The following POU6F2 variants were observed in gnomAD, a reference collection of about 807,000 sequenced individuals.
POU6F2 encodes POU class 6 homeobox 2.
POU6F2 carries 31 observed loss-of-function variants against 71.3 expected under a neutral mutation model. The ratio of observed to expected loss-of-function variants is 0.43; its 90% CI spans 0.33 to 0.59. POU6F2 has a LOEUF of 0.59. Among genes scored for constraint, POU6F2 ranks in the 20% least tolerant of loss-of-function variants. The probability of loss-of-function intolerance (pLI) is 0.04; values close to 1 mark genes in which losing one functional copy is unlikely to be tolerated. For missense variants in POU6F2, 783 were observed against 856.8 expected (o/e 0.91, Z 1.07); for synonymous variants, 347 against 355.7 (o/e 0.98, Z 0.27).
chr7:39,087,907 T>C (rs1266859495), intron 2 of POU6F2, among the ~76,000 whole-genome samples: 1 of 152,140 alleles, frequency 6.6e-6, no homozygotes, highest in Non-Finnish European at 1.5e-5. Flanking sequence ...TTTGCATGTG[T>C]AGAGAAAAAA....
chr7:39,439,771 G>T (rs1465940998), intron 7 of POU6F2, among the ~76,000 whole-genome samples: 1 of 152,174 alleles, frequency 6.6e-6, no homozygotes, highest in Non-Finnish European at 1.5e-5. Flanking sequence ...TTACAGGTGT[G>T]AGCCACCACA....
chr7:39,082,879 T>A (rs1791156042), intron 1 of POU6F2, among the ~76,000 whole-genome samples: 1 of 151,374 alleles, frequency 6.6e-6, no homozygotes. Flanking sequence ...AAACGTAAAG[T>A]GTTTTGTAAG....
chr7:39,083,205 A>G (rs1285921896), intron 1 of POU6F2, among the ~76,000 whole-genome samples: 1 of 152,192 alleles, frequency 6.6e-6, no homozygotes, highest in Admixed American at 6.5e-5. Context: ...GTTTACCCAG[A>G]TATTCACTGG....
intron 1 of POU6F2, among the ~76,000 whole-genome samples, chr7:39,071,398 TCTC>T (rs1374269026): frequency 3.9e-5 from 6 of 152,056 alleles, no homozygotes; most frequent in African/African-American, 1.4e-4. Flanking sequence ...TGCCCACCGC[TCTC>T]CTCCTGCTGT....
intron 2 of POU6F2, among the ~76,000 whole-genome samples, chr7:39,174,446 A>G (rs1793288164): frequency 6.6e-6 from 1 of 152,190 alleles, no homozygotes; most frequent in African/African-American, 2.4e-5. Flanking sequence ...GAGAACAGCC[A>G]TCTATACCTG....
intron 2 of POU6F2, among the ~76,000 whole-genome samples, chr7:39,134,425 T>A (rs947315869): frequency 1.4e-4 from 21 of 152,266 alleles, no homozygotes; most frequent in East Asian, 9.6e-4. Context: ...TTCAGAACCA[T>A]TGCTGTAAGA....
Position 39,161,591 on chromosome 7 carries a change from C to T in POU6F2, c.278-42644C>T, listed in dbSNP as rs73365558. ...GTGATTTGCTCAAGGTAGCTGACTT[C>T]GGAACGGCCCATGTAAACTGATAAG... is the stretch of plus-strand genomic sequence containing the variant. On this transcript the variant is annotated intron_variant, in intron 2 of 9. Transcript: ENST00000518318. Among the ~76,000 whole-genome samples the T allele has an allele frequency of 8.9e-3, 1,351 of 152,208 alleles. 15 individuals are homozygous for T. The highest frequency in any genetic ancestry group is 0.029 in the African/African-American group (1,220 of 41,518).
intron 2 of POU6F2, among the ~76,000 whole-genome samples, chr7:39,164,936 C>T (rs1044147871): frequency 2.0e-5 from 3 of 152,100 alleles, no homozygotes; most frequent in Non-Finnish European, 4.4e-5. Context: ...TAGATATGGT[C>T]CCACTTTTCC....
intron 6 of POU6F2, among the ~76,000 whole-genome samples, chr7:39,419,060 T>TAC (rs1310950083): frequency 1.4e-5 from 2 of 145,674 alleles, no homozygotes; most frequent in Non-Finnish European, 1.5e-5. Flanking sequence ...TACACATATA[T>TAC]ACACATATAT....
At chr7:39,377,938 C>A (rs1786743301) in intron 5 of POU6F2, among the ~76,000 whole-genome samples, 1 of 152,162 alleles carries the variant, frequency 6.6e-6, no homozygotes, top group Non-Finnish European at 1.5e-5. Context: ...TTTTCCTTCT[C>A]CTCAAACTTT....
At chr7:39,079,809 G>A (rs1791078122) in intron 1 of POU6F2, among the ~76,000 whole-genome samples, 2 of 152,156 alleles carry the variant, frequency 1.3e-5, no homozygotes, top group Admixed American at 1.3e-4. Context: ...ATATTTGGCT[G>A]TGAAAATCTA....
chr7:39,429,601 G>T (rs926405530), intron 6 of POU6F2, among the ~76,000 whole-genome samples: 24 of 152,170 alleles, frequency 1.6e-4, no homozygotes, highest in African/African-American at 5.6e-4. Flanking sequence ...AGGCTGCTCT[G>T]CAGGAATCCT....
Position 39,191,830 on chromosome 7 carries a change from A to C in POU6F2, c.278-12405A>C, listed in dbSNP as rs369167033. On this transcript the variant is annotated intron_variant, in intron 2 of 9. Transcript: ENST00000518318. Reference sequence around the variant, plus strand: ...AATAGATACTTTTTCAATTATAGTAATGTGAAGAAATAGACTAAGTGAGGG... The same window carrying C: ...AATAGATACTTTTTCAATTATAGTACTGTGAAGAAATAGACTAAGTGAGGG... Among the ~76,000 whole-genome samples the C allele has an allele frequency of 2.0e-5, 3 of 152,216 alleles. No individual in the cohort carries two copies. In the South Asian group the frequency reaches 6.2e-4, roughly 32 times the overall value.
chr7:39,103,801 C>T (rs1236146959), intron 2 of POU6F2, among the ~76,000 whole-genome samples: 1 of 152,142 alleles, frequency 6.6e-6, no homozygotes, highest in Non-Finnish European at 1.5e-5. Context: ...TGTTCATGAC[C>T]TCCAGGCTTC....
chr7:39,018,193 A>G (rs1377333068), intron 1 of POU6F2, among the ~76,000 whole-genome samples: 2 of 152,210 alleles, frequency 1.3e-5, no homozygotes, highest in Non-Finnish European at 2.9e-5. Context: ...CTGCAGGCAG[A>G]GGTGATTTTT....
intron 5 of POU6F2, 173 bp from the exon 6 acceptor site, chr7:39,406,427 T>TC: frequency 1.5e-6 from 1 of 671,556 alleles, no homozygotes; most frequent in South Asian, 2.0e-5. Flanking sequence ...GTTTCCATCA[T>TC]CCCCCTACCC....
At chr7:39,376,751 G>C (rs1002983112) in intron 5 of POU6F2, among the ~76,000 whole-genome samples, 1 of 152,078 alleles carries the variant, frequency 6.6e-6, no homozygotes, top group Admixed American at 6.5e-5. Context: ...CCAGTTCCTA[G>C]AATAGATGTC....
intron 4 of POU6F2, among the ~76,000 whole-genome samples, chr7:39,252,077 G>A (rs1168069602): frequency 3.3e-5 from 5 of 152,010 alleles, no homozygotes; most frequent in African/African-American, 9.7e-5. Flanking sequence ...TACATGCCGC[G>A]AGTGTGTGGC....
chr7:39,115,737 T>A (rs1262553249), intron 2 of POU6F2, among the ~76,000 whole-genome samples: 1 of 152,184 alleles, frequency 6.6e-6, no homozygotes, highest in Non-Finnish European at 1.5e-5. Flanking sequence ...CTGGTATGTT[T>A]GTTTTTTGGA....
Sources: allele counts gnomAD v4.1 joint callset (sites outside exome capture counted in the v4.1 genomes callset), GRCh38; gene constraint gnomAD v4.1.1; transcripts MANE v1.5; gene names NCBI Gene and HGNC (gene_info 2026-07-23, HGNC 2026-07-21).